DPY30: variants seen among roughly 807,000 people sequenced by gnomAD.
DPY30 encodes protein dpy-30 homolog.
Under a neutral mutation model 16.2 loss-of-function variants are expected in DPY30, and 6 were observed. That is an observed-to-expected ratio of 0.37 (90% CI 0.20 to 0.73). The LOEUF (loss-of-function observed/expected upper bound fraction) is 0.73, where lower values mean the gene tolerates loss of function less well. DPY30 is among the 30% of genes least tolerant of loss of function. DPY30 has a pLI of 0.51. For synonymous variants in DPY30, 39 were observed against 38.8 expected (o/e 1.00, Z -0.02); for missense variants, 73 against 113.1 (o/e 0.65, Z 1.61).
intron 3 of DPY30, among the ~76,000 whole-genome samples, chr2:32,030,960 A>ATGGGG (rs1675517371): frequency 6.6e-6 from 1 of 152,174 alleles, no homozygotes; most frequent in South Asian, 2.1e-4. Context: ...TAACACTAAA[A>ATGGGG]AACAATAATT....
rs923162553 is a variant in DPY30, at chr2:32,039,689, G to C, written c.-37+44C>G. 1.0e-5 allele frequency: 6 copies of C among 599,934 alleles called. No individual in the cohort carries two copies. In the South Asian group the frequency reaches 1.2e-4, roughly 12 times the overall value. The allele number at this position is 599,934 out of a possible 1,614,324, so 37.2% of individuals were successfully genotyped here. ...TCTGGAAACTCTACGACAGTCCCAA[G>C]TACCTAGAATAAGTGAGAAAGTGGG... On this transcript the variant is annotated intron_variant, in intron 1 of 4. Transcript: ENST00000342166.
At position 32,030,585 on chromosome 2, in the gene DPY30, G is replaced by A. The variant is rs377275333; in HGVS notation, c.85-849C>T. Among the ~76,000 whole-genome samples the A allele has an allele frequency of 4.0e-5, 6 of 149,684 alleles. 1 individual carries two copies. The highest frequency in any genetic ancestry group is 1.5e-5 in the Non-Finnish European group (1 of 67,724). On this transcript the variant is annotated intron_variant, in intron 3 of 4. Coordinates refer to ENST00000342166, the MANE Select transcript of DPY30 (RefSeq NM_001321209.2). ...GCGGAGCTTGCAGTGAGCCGAGATC[G>A]CGCCACCACACTCCAGCCTGGGCGA... is the stretch of plus-strand genomic sequence containing the variant.
In DPY30 at chr2:32,039,508, G is replaced by A. The variant is rs745966409; in HGVS notation, c.-36-16C>T. The A allele has an allele frequency of 3.7e-6, 6 of 1,613,192 alleles. No individual in the cohort carries two copies. The highest frequency in any genetic ancestry group is 4.2e-6 in the Non-Finnish European group (5 of 1,179,716). ...GGATACCAGTCTTGGAAAACAAGAAGAGCCGCGAGTTACCTGGGAGATTTC... is the reference window on the plus strand; with the variant it reads ...GGATACCAGTCTTGGAAAACAAGAAAAGCCGCGAGTTACCTGGGAGATTTC... On this transcript the variant is annotated splice_polypyrimidine_tract_variant and intron_variant, in intron 1 of 4. Coordinates refer to ENST00000342166, the MANE Select transcript of DPY30 (RefSeq NM_001321209.2).
At chr2:32,015,797 G>T (rs1257950443) in intron 5 of DPY30, among the ~76,000 whole-genome samples, 2 of 150,304 alleles carry the variant, frequency 1.3e-5, no homozygotes, top group African/African-American at 4.9e-5. Flanking sequence ...CAAAGCTGCA[G>T]TGACCTATGA....
Position 32,039,795 on chromosome 2 carries a change from G to C in DPY30, c.-99C>G, listed in dbSNP as rs1558596203. ...GCGCCACCAGCTCCCAGCACAAACAGCTCCGGCCGTAAGTGACGGCTGTCG... is the reference window on the plus strand; with the variant it reads ...GCGCCACCAGCTCCCAGCACAAACACCTCCGGCCGTAAGTGACGGCTGTCG... On this transcript the variant is annotated 5_prime_UTR_variant, in exon 1 of 5. Transcript: ENST00000342166. 2 of 381,342 alleles carry C rather than the reference G, an allele frequency of 5.2e-6. No individual in the cohort carries two copies. The highest frequency in any genetic ancestry group is 7.5e-4 in the Middle Eastern group (1 of 1,340). The allele number at this position is 381,342 out of a possible 1,614,324, so 23.6% of individuals were successfully genotyped here.
chr2:32,011,963 G>C (rs537149949), exon 6 of DPY30: 1 of 152,270 alleles, frequency 6.6e-6, no homozygotes, highest in East Asian at 1.9e-4. Context: ...GGCGGAGGCG[G>C]GAGGATCACT....
intron 5 of DPY30, among the ~76,000 whole-genome samples, chr2:32,012,585 C>A (rs1402018374): frequency 2.6e-5 from 4 of 151,800 alleles, no homozygotes; most frequent in African/African-American, 9.7e-5. Flanking sequence ...TGCCCACCAC[C>A]ATCCACCATG....
At chr2:32,030,083 TAATG>T (rs1426343973) in intron 3 of DPY30, among the ~76,000 whole-genome samples, 2 of 101,814 alleles carry the variant, frequency 2.0e-5, no homozygotes, top group South Asian at 3.0e-4. Context: ...AAAAAAAAAA[TAATG>T]AATGTAACAC....
At chr2:32,015,284 CAG>C (rs1675042915) in intron 5 of DPY30, among the ~76,000 whole-genome samples, 1 of 152,100 alleles carries the variant, frequency 6.6e-6, no homozygotes, top group Admixed American at 6.6e-5. Context: ...GAGTTTAACA[CAG>C]AGAGGGTCTT....
At chr2:32,036,764 G>A (rs983025294) in intron 3 of DPY30, among the ~76,000 whole-genome samples, 3 of 151,936 alleles carry the variant, frequency 2.0e-5, no homozygotes, top group Non-Finnish European at 2.9e-5. Context: ...ACCTACTCGG[G>A]AGGCTGAGGC....
rs1372056063 is a variant in DPY30, at chr2:32,023,976, A to T, written c.*208T>A. The T allele has an allele frequency of 4.2e-6, 6 of 1,420,004 alleles. No individual in the cohort carries two copies. In the African/African-American group the frequency reaches 8.7e-5, roughly 21 times the overall value. 88.0% of individuals were successfully genotyped at this position (1,420,004 alleles called of 1,614,324 possible). A position where few individuals can be genotyped will look rare whatever the true frequency, so the allele number is the denominator to read the frequency against. On this transcript the variant is annotated 3_prime_UTR_variant, in exon 5 of 5. Coordinates refer to ENST00000342166, the MANE Select transcript of DPY30 (RefSeq NM_001321209.2). ...AAAGACAATCTGAGAAAAAAATTGC[A>T]CAGAATACACTCATTAAATAGGTAT... is the stretch of plus-strand genomic sequence containing the variant.
chr2:32,030,734 G>A (rs1018241727), intron 3 of DPY30, among the ~76,000 whole-genome samples: 1 of 152,032 alleles, frequency 6.6e-6, no homozygotes, highest in Non-Finnish European at 1.5e-5. Context: ...AGGAGACGGA[G>A]GTTGCAGTGA....
At chr2:32,026,888 A>T (rs538057043) in intron 4 of DPY30, among the ~76,000 whole-genome samples, 3 of 151,894 alleles carry the variant, frequency 2.0e-5, no homozygotes, top group African/African-American at 7.2e-5. Flanking sequence ...AAACAAAAAA[A>T]TAGAAAAGAT....
At chr2:32,039,366 C>G (rs1279942806) in intron 2 of DPY30, 40 bp from the exon 3 acceptor site, 3 of 1,614,036 alleles carry the variant, frequency 1.9e-6, no homozygotes, top group African/African-American at 1.3e-5. Context: ...ATAAGTCCCC[C>G]CTTTCTCGCT....
chr2:32,036,973 T>C (rs1438310350), intron 3 of DPY30, among the ~76,000 whole-genome samples: 1 of 152,204 alleles, frequency 6.6e-6, no homozygotes, highest in African/African-American at 2.4e-5. Context: ...ACGTTATTTA[T>C]TGACGAGCAA....
In DPY30 at chr2:32,039,192, G is replaced by A. The variant is rs563318000; in HGVS notation, c.84+87C>T. On this transcript the variant is annotated intron_variant, in intron 3 of 4. Coordinates refer to ENST00000342166, the MANE Select transcript of DPY30 (RefSeq NM_001321209.2). ...TCACGATAACAAAGTTTTCCCTTGT[G>A]CATAGCCACCTAGTAAAAGCAGATC... The A allele has an allele frequency of 1.6e-4, 244 of 1,537,984 alleles. 1 individual carries two copies. The African/African-American group carries it at 3.0e-3, about 19-fold the overall frequency.
At chr2:32,029,184 A>G (rs1675442530) in intron 4 of DPY30, among the ~76,000 whole-genome samples, 2 of 152,088 alleles carry the variant, frequency 1.3e-5, no homozygotes. Context: ...AGACACAAGA[A>G]TCACTTGAAA....
intron 3 of DPY30, among the ~76,000 whole-genome samples, chr2:32,032,341 C>T (rs930691978): frequency 6.6e-6 from 1 of 152,138 alleles, no homozygotes; most frequent in East Asian, 1.9e-4. Flanking sequence ...GCTAACTGAG[C>T]CTTTGTAAAA....
rs555503869 is a variant in DPY30 at position 32,015,566 on chromosome 2, A to G, written n.378-3514T>C. On this transcript the variant is annotated intron_variant and non_coding_transcript_variant, in intron 5 of 5. Transcript: ENST00000414013. ...AACAACAGAGTCAAAAGATATAAGG[A>G]GCCAGGCACAGTGGCTCACACCTAT... Among the ~76,000 whole-genome samples, 13 of 152,230 alleles carry G rather than the reference A, an allele frequency of 8.5e-5. 1 individual carries two copies. The Middle Eastern group carries it at 0.031, about 358-fold the overall frequency.
Sources: gnomAD v4.1 joint callset for allele counts (sites outside exome capture counted in the v4.1 genomes callset) on GRCh38, gnomAD v4.1.1 for gene constraint, MANE v1.5 for transcripts, NCBI Gene and HGNC (gene_info 2026-07-23, HGNC 2026-07-21) for gene names.